Variants in CINP observed in about 807,000 individuals in gnomAD.
CINP encodes the protein cyclin dependent kinase 2 interacting protein, also known as cyclin-dependent kinase 2-interacting protein.
In CINP, 11 loss-of-function variants were observed where a neutral mutation model predicts 20.5. That is an observed-to-expected ratio of 0.54 (90% CI 0.34 to 0.89). The LOEUF is 0.89. CINP is among the 40% of genes least tolerant of loss of function. The pLI is 0.02. For missense variants in CINP, 213 were observed against 251.0 expected, an observed-to-expected ratio of 0.85 and a Z score of 1.02; for synonymous variants, 108 against 102.1, an observed-to-expected ratio of 1.06 and a Z score of -0.35.
intron 2 of CINP, among the ~76,000 whole-genome samples, chr14:102,358,333 G>C (rs1043551674): frequency 1.3e-5 from 2 of 152,204 alleles, no homozygotes; most frequent in African/African-American, 4.8e-5. Context: ...CAATGAGAAA[G>C]AACAGAACCA....
chr14:102,357,832 C>G (rs1567306328), intron 2 of CINP, among the ~76,000 whole-genome samples: 1 of 152,236 alleles, frequency 6.6e-6, no homozygotes, highest in Non-Finnish European at 1.5e-5. Context: ...AAGGTGGCTA[C>G]ATGATACAAC....
intron 4 of CINP, 135 bp downstream of exon 4, chr14:102,349,784 G>T: frequency 1.9e-6 from 2 of 1,060,222 alleles, no homozygotes; most frequent in East Asian, 2.4e-5. Context: ...AGATGCCTCT[G>T]TCTCCTTTCC....
rs776467648 is a variant in CINP, at chr14:102,348,767, A to C, written c.437-8T>G. 1.9e-6 allele frequency: 3 copies of C among 1,611,472 alleles called. No individual in the cohort carries two copies. In the East Asian group the frequency reaches 6.7e-5, roughly 36 times the overall value. ...GCTTATGCGAAACCTCATCTGAAAG[A>C]AACGTGAATCTCCCTTAATGGCAGT... On this transcript the variant is annotated splice_polypyrimidine_tract_variant and splice_region_variant and intron_variant, in intron 4 of 4. Transcript: ENST00000216756.
At position 102,359,541 on chromosome 14, in the gene CINP, G is replaced by A; in HGVS notation, c.54C>T (p.Val18=). 8.7e-6 allele frequency: 14 copies of A among 1,612,906 alleles called. No homozygotes were observed. Among genetic ancestry groups the A allele is most frequent in the Non-Finnish European group, 1.2e-5 (14 of 1,179,410 alleles). Residue 18 remains valine, a synonymous_variant, in exon 2 of 5, where the codon GTC becomes GTT. Coordinates refer to ENST00000216756, the MANE Select transcript of CINP (RefSeq NM_032630.3). ...CATTGTCCTTAATTTTTCTTGCACTGACAGATAAGACAGGTTTTCTGGGCG... is the reference window on the plus strand; with the variant it reads ...CATTGTCCTTAATTTTTCTTGCACTAACAGATAAGACAGGTTTTCTGGGCG... ...TVTPRKPVLS[V]SARKIKDNAA...
chr14:102,354,469 T>G (rs759939060), intron 3 of CINP, among the ~76,000 whole-genome samples: 8 of 152,150 alleles, frequency 5.3e-5, no homozygotes, highest in Non-Finnish European at 1.2e-4. Context: ...AAGATAAAGA[T>G]TTCCTGGACG....
At chr14:102,354,265 T>G (rs1444690264) in intron 3 of CINP, among the ~76,000 whole-genome samples, 1 of 152,190 alleles carries the variant, frequency 6.6e-6, no homozygotes, top group Non-Finnish European at 1.5e-5. Flanking sequence ...AAACAAACAC[T>G]TTAGTCTCTT....
chr14:102,359,251 T>TATATATAC (rs1887077334), intron 2 of CINP, among the ~76,000 whole-genome samples, 168 bp downstream of exon 2: 1 of 145,390 alleles, frequency 6.9e-6, no homozygotes, highest in Non-Finnish European at 1.5e-5. Context: ...TATATATATA[T>TATATATAC]ATGGAATATA....
chr14:102,348,354 G>A lies in CINP; in HGVS notation c.*203C>T, dbSNP rs11544425. 6.3e-3 allele frequency: 3,617 copies of A among 577,838 alleles called. 16 individuals carry two copies. Among genetic ancestry groups the A allele is most frequent in the Non-Finnish European group, 9.0e-3 (2,917 of 324,032 alleles). 35.8% of individuals were successfully genotyped at this position (577,838 alleles called of 1,614,324 possible). On this transcript the variant is annotated 3_prime_UTR_variant, in exon 5 of 5. Coordinates refer to ENST00000216756, the MANE Select transcript of CINP (RefSeq NM_032630.3). ...CAGATTCCCAGGAGGGGCAGAGAAGGCTGAGCAGCACCACGTGGGGCTGGC... is the reference window on the plus strand; with the variant it reads ...CAGATTCCCAGGAGGGGCAGAGAAGACTGAGCAGCACCACGTGGGGCTGGC...
chr14:102,357,054 A>G (rs1290891126), intron 2 of CINP, among the ~76,000 whole-genome samples: 7 of 152,218 alleles, frequency 4.6e-5, no homozygotes, highest in Admixed American at 4.6e-4. Flanking sequence ...AAAGCTAGAA[A>G]TGATTAAGCT....
intron 4 of CINP, 49 bp downstream of exon 4, chr14:102,349,870 C>T (rs1234489653): frequency 1.2e-6 from 2 of 1,606,742 alleles, no homozygotes; most frequent in Non-Finnish European, 1.7e-6. Flanking sequence ...ACTAAATGCC[C>T]TTAATAACCT....
chr14:102,355,548 G>A, intron 3 of CINP: 1 of 483,796 alleles, frequency 2.1e-6, no homozygotes, highest in Non-Finnish European at 3.6e-6. Context: ...TATGTGATGA[G>A]CCCTGAAAGT....
intron 2 of CINP, among the ~76,000 whole-genome samples, chr14:102,358,987 G>T (rs561622379): frequency 2.0e-5 from 3 of 151,726 alleles, no homozygotes; most frequent in African/African-American, 7.3e-5. Flanking sequence ...GGTGGATCAC[G>T]TAAGGTCAGG....
chr14:102,359,285 A>G (rs1887078840), intron 2 of CINP, 134 bp downstream of exon 2: 1 of 364,202 alleles, frequency 2.7e-6, no homozygotes, highest in African/African-American at 2.2e-5. Flanking sequence ...AATGTACAAT[A>G]CAATTTATAC....
intron 3 of CINP, among the ~76,000 whole-genome samples, chr14:102,353,244 G>C (rs1018950961): frequency 6.6e-6 from 1 of 152,122 alleles, no homozygotes; most frequent in Non-Finnish European, 1.5e-5. Context: ...TGGTGAATAC[G>C]TCCCTACCCC....
chr14:102,360,026 G>A (rs539878156), intron 1 of CINP, among the ~76,000 whole-genome samples: 4 of 152,212 alleles, frequency 2.6e-5, no homozygotes, highest in South Asian at 4.2e-4. Flanking sequence ...TGGCCCATGA[G>A]TGCTAATCAT....
Position 102,351,940 on chromosome 14 carries a change from A to AG in CINP, c.307-1893dup, listed in dbSNP as rs755310105. The stretch of plus-strand genomic sequence containing the variant: ...CGCTTTGTCACCCAGGCTGGAGTGC[A>AG]GTGGCGCGATCTCCGCTCACTGCAA... On this transcript the variant is annotated intron_variant, in intron 3 of 4. Coordinates refer to ENST00000216756, the MANE Select transcript of CINP (RefSeq NM_032630.3). The surrounding 1 kb of genome is among the most constrained non-coding windows in gnomAD (Gnocchi z 4.2). 4.6e-4 allele frequency among the ~76,000 whole-genome samples: 70 copies of AG among 152,200 alleles called. No individual in the cohort carries two copies. The highest frequency in any genetic ancestry group is 3.4e-3 in the Middle Eastern group (1 of 294).
At chr14:102,356,992 T>C (rs969173138) in intron 2 of CINP, among the ~76,000 whole-genome samples, 1 of 152,146 alleles carries the variant, frequency 6.6e-6, no homozygotes, top group Non-Finnish European at 1.5e-5. Context: ...TGCATATCTC[T>C]CATTTTAAAT....
rs1268307575 is a variant in CINP, at chr14:102,351,623, C to T, written c.307-1575G>A. Among the ~76,000 whole-genome samples, 1 of 138,488 alleles carries T rather than the reference C, an allele frequency of 7.2e-6. No homozygotes were observed. Among genetic ancestry groups the T allele is most frequent in the East Asian group, 1.9e-4 (1 of 5,198 alleles). The allele number at this position is 138,488 out of a possible 152,430, so 90.9% of individuals were successfully genotyped here. On this transcript the variant is annotated intron_variant, in intron 3 of 4. Coordinates refer to ENST00000216756, the MANE Select transcript of CINP (RefSeq NM_032630.3). This position sits in a 1 kb window ranked among gnomAD's most constrained non-coding sequence, Gnocchi z 4.2. ...ATATAAATTGTCAAATATCTTAATT[C>T]CTTTACTTGGTCCTTCCAACCACCC...
At chr14:102,355,168 A>G (rs1015979430) in intron 3 of CINP, among the ~76,000 whole-genome samples, 13 of 152,120 alleles carry the variant, frequency 8.5e-5, no homozygotes, top group African/African-American at 2.9e-4. Flanking sequence ...GTTTAGTCCT[A>G]TGTGGCAGAG....
Sources: gnomAD v4.1 joint callset for allele counts (sites outside exome capture counted in the v4.1 genomes callset) on GRCh38, gnomAD v4.1.1 for gene constraint, Gnocchi (gnomAD v3.1) non-coding constraint, MANE v1.5 for transcripts, NCBI Gene and HGNC (gene_info 2026-07-23, HGNC 2026-07-21) for gene names.